The following SHC3 variants were observed in gnomAD, a reference collection of about 807,000 sequenced individuals.
SHC3 encodes SHC adaptor protein 3.
Under a neutral mutation model 60.4 loss-of-function variants are expected in SHC3, and 15 were observed. The observed-to-expected ratio is 0.25, with a 90% CI of 0.17 to 0.38. The LOEUF (loss-of-function observed/expected upper bound fraction) is 0.38, where lower values mean the gene tolerates loss of function less well. SHC3 is among the 10% of genes least tolerant of loss of function. The pLI is 1.00. For missense variants in SHC3, 677 were observed against 786.1 expected, an observed-to-expected ratio of 0.86 and a Z score of 1.66; for synonymous variants, 294 against 325.9, an observed-to-expected ratio of 0.90 and a Z score of 1.05.
At chr9:89,166,242 G>T (rs1223981771) in intron 1 of SHC3, among the ~76,000 whole-genome samples, 3 of 152,252 alleles carry the variant, frequency 2.0e-5, no homozygotes, top group Admixed American at 1.3e-4. Flanking sequence ...ACCACAACTA[G>T]TGCAGCCCCT....
chr9:89,022,410 A>G (rs1200241281), intron 11 of SHC3, among the ~76,000 whole-genome samples: 1 of 152,112 alleles, frequency 6.6e-6, no homozygotes, highest in Non-Finnish European at 1.5e-5. Flanking sequence ...TAGTCAAGGA[A>G]GTTTTTGGGA....
At chr9:89,123,583 C>G (rs778959396) in intron 1 of SHC3, among the ~76,000 whole-genome samples, 8 of 152,156 alleles carry the variant, frequency 5.3e-5, no homozygotes, top group Non-Finnish European at 1.0e-4. Context: ...CCCAGCCAAG[C>G]CAGTGTGTCA....
chr9:89,033,615 A>T (rs1824526973), intron 11 of SHC3, among the ~76,000 whole-genome samples: 1 of 152,216 alleles, frequency 6.6e-6, no homozygotes, highest in Non-Finnish European at 1.5e-5. Context: ...TGCTTGTTGA[A>T]TACTGCTATG....
intron 5 of SHC3, among the ~76,000 whole-genome samples, chr9:89,066,686 T>A (rs188850916): frequency 2.6e-5 from 4 of 152,284 alleles, no homozygotes; most frequent in Non-Finnish European, 1.5e-5. Flanking sequence ...TTCCCATATG[T>A]CATTGCTTTG....
intron 2 of SHC3, among the ~76,000 whole-genome samples, chr9:89,094,771 T>A (rs1825675607): frequency 6.6e-6 from 1 of 152,040 alleles, no homozygotes; most frequent in Admixed American, 6.6e-5. Context: ...GGCATTACAG[T>A]CACGAGCAAA....
At chr9:89,171,278 T>G (rs574878591) in intron 1 of SHC3, among the ~76,000 whole-genome samples, 1 of 151,914 alleles carries the variant, frequency 6.6e-6, no homozygotes, top group East Asian at 1.9e-4. Flanking sequence ...TTTGGGCAGG[T>G]GGCAGTGGAA....
At chr9:89,158,924 C>T (rs989850076) in intron 1 of SHC3, among the ~76,000 whole-genome samples, 2 of 152,174 alleles carry the variant, frequency 1.3e-5, no homozygotes, top group Non-Finnish European at 2.9e-5. Flanking sequence ...GAAAATTCCA[C>T]CGGCTTTCTC....
intron 9 of SHC3, among the ~76,000 whole-genome samples, chr9:89,043,900 C>T (rs551654188): frequency 2.2e-4 from 33 of 152,206 alleles, no homozygotes; most frequent in African/African-American, 9.6e-5. Context: ...ATGATCCACC[C>T]GCCTCGGCTT....
At chr9:89,112,058 T>C (rs1401625083) in intron 2 of SHC3, among the ~76,000 whole-genome samples, 1 of 152,214 alleles carries the variant, frequency 6.6e-6, no homozygotes, top group Non-Finnish European at 1.5e-5. Context: ...GTGGAGAATA[T>C]ACAAAACCTG....
rs1384778297 is a variant in SHC3, at chr9:89,159,589, A to G, written c.474+18398T>C. 2.0e-5 allele frequency among the ~76,000 whole-genome samples: 3 copies of G among 152,164 alleles called. No individual in the cohort carries two copies. In the South Asian group the frequency reaches 6.2e-4, roughly 32 times the overall value. The stretch of plus-strand genomic sequence containing the variant: ...ACTAATGGAATAGATACATATATAT[A>G]AAGGGGAGTTTATAAAGTATTAACT... On this transcript the variant is annotated intron_variant, in intron 1 of 11. Coordinates refer to ENST00000375835, the MANE Select transcript of SHC3 (RefSeq NM_016848.6).
intron 5 of SHC3, among the ~76,000 whole-genome samples, chr9:89,068,457 A>T (rs1342558359): frequency 6.6e-6 from 1 of 152,232 alleles, no homozygotes; most frequent in Admixed American, 6.5e-5. Context: ...AAAAATGTCT[A>T]CCAATTATAA....
intron 1 of SHC3, among the ~76,000 whole-genome samples, chr9:89,176,313 G>T (rs1317553929): frequency 6.6e-6 from 1 of 152,154 alleles, no homozygotes; most frequent in Non-Finnish European, 1.5e-5. Flanking sequence ...TCATTATTTT[G>T]CCACATTTGA....
chr9:89,061,230 G>T (rs1160728440), intron 6 of SHC3, among the ~76,000 whole-genome samples: 1 of 152,214 alleles, frequency 6.6e-6, no homozygotes, highest in African/African-American at 2.4e-5. Context: ...ATAAGCCATT[G>T]CTTTCACCCA....
chr9:89,097,746 C>A (rs969488430), intron 2 of SHC3, among the ~76,000 whole-genome samples: 2 of 152,186 alleles, frequency 1.3e-5, no homozygotes, highest in African/African-American at 4.8e-5. Context: ...GAGGATGCCT[C>A]CCAGTAGGGT....
At chr9:89,084,074 A>G (rs1045506775) in intron 2 of SHC3, among the ~76,000 whole-genome samples, 1 of 152,174 alleles carries the variant, frequency 6.6e-6, no homozygotes, top group Non-Finnish European at 1.5e-5. Flanking sequence ...CATAAACCTG[A>G]TTTTTTAAAA....
At chr9:89,013,650 G>C in intron 11 of SHC3, 75 bp from the exon 12 acceptor site, 1 of 1,532,740 alleles carries the variant, frequency 6.5e-7, no homozygotes, top group Non-Finnish European at 8.8e-7. Context: ...CTCAGAATCA[G>C]CCAGACCATC....
chr9:89,041,970 G>T (rs1262831733), intron 10 of SHC3, 56 bp downstream of exon 10: 26 of 1,600,264 alleles, frequency 1.6e-5, no homozygotes, highest in Middle Eastern at 1.7e-4. Context: ...CAAATAAAAG[G>T]CAGGATAAAA....
Position 89,178,271 on chromosome 9 carries a change from GGCTGCCGGGCCC to G in SHC3, c.178_189del (p.Gly60_Ser63del). 1 of 1,545,386 alleles carries G rather than the reference GGCTGCCGGGCCC, an allele frequency of 6.5e-7. No homozygotes were observed. Among genetic ancestry groups the G allele is most frequent in the Non-Finnish European group, 8.7e-7 (1 of 1,147,910 alleles). On this transcript the variant is annotated inframe_deletion, in exon 1 of 12. Coordinates refer to ENST00000375835, the MANE Select transcript of SHC3 (RefSeq NM_016848.6). This position sits in a 1 kb window ranked among gnomAD's most constrained non-coding sequence, Gnocchi z 6.9. ...GACACCTTGTGGAGCAGGTGGCCCA[GGCTGCCGGGCCC>G]ATCGTCGGGCGCCTTGCGCAGCGCC...
At chr9:89,156,430 T>C (rs1176806670) in intron 1 of SHC3, among the ~76,000 whole-genome samples, 1 of 152,112 alleles carries the variant, frequency 6.6e-6, no homozygotes, top group African/African-American at 2.4e-5. Context: ...TAAGGATCCT[T>C]AAAACAGAGC....
Sources: gnomAD v4.1 joint callset for allele counts (sites outside exome capture counted in the v4.1 genomes callset) on GRCh38, gnomAD v4.1.1 for gene constraint, Gnocchi (gnomAD v3.1) non-coding constraint, MANE v1.5 for transcripts, NCBI Gene and HGNC (gene_info 2026-07-23, HGNC 2026-07-21) for gene names.